SIN3B: variants seen among roughly 807,000 people sequenced by gnomAD.
SIN3B encodes SIN3 transcription regulator family member B, also known as paired amphipathic helix protein Sin3b.
In SIN3B, 19 loss-of-function variants were observed where a neutral mutation model predicts 120.2. That is an observed-to-expected ratio of 0.16 (90% CI 0.11 to 0.23). The LOEUF (loss-of-function observed/expected upper bound fraction) is 0.23, where lower values mean the gene tolerates loss of function less well. SIN3B is among the 10% of genes least tolerant of loss of function. The pLI is 1.00. For synonymous variants in SIN3B, 654 were observed against 653.2 expected, an observed-to-expected ratio of 1.00 and a Z score of -0.02; for missense variants, 1,073 against 1,573.0, an observed-to-expected ratio of 0.68 and a Z score of 5.38.
chr19:16,842,323 GA>G (rs1212251789), intron 4 of SIN3B, among the ~76,000 whole-genome samples: 3 of 151,296 alleles, frequency 2.0e-5, no homozygotes, highest in Non-Finnish European at 4.4e-5. Context: ...GGCTGGTCTT[GA>G]ACTCCTGAAC....
intron 3 of SIN3B, 126 bp downstream of exon 3, chr19:16,831,773 C>T (rs1243426081): frequency 1.8e-5 from 14 of 767,410 alleles, no homozygotes; most frequent in Admixed American, 5.0e-5. Flanking sequence ...TTTTTCTAGA[C>T]GTGCTCATTG....
intron 8 of SIN3B, among the ~76,000 whole-genome samples, chr19:16,857,769 A>C (rs1004786776): frequency 1.3e-5 from 2 of 152,094 alleles, no homozygotes; most frequent in African/African-American, 4.8e-5. Context: ...ACCTGCACTA[A>C]TGACGGCACA....
chr19:16,878,690 A>G lies in SIN3B; in HGVS notation c.3356A>G (p.Tyr1119Cys). The G allele has an allele frequency of 6.2e-7, 1 of 1,611,510 alleles. No homozygotes were observed. Among genetic ancestry groups the G allele is most frequent in the Non-Finnish European group, 8.5e-7 (1 of 1,179,436 alleles). ...GTGCACGGCCTGCCCGTGACCCGCT[A>G]CCGCGTGCAGTACAGCCGCCGCCCG... The part of the protein sequence containing the change: ...VHVHGLPVTR[Y>C]RVQYSRRPAS... The change falls in exon 19 of 19, where the codon TAC becomes TGC. Residue 1119 changes from tyrosine to cysteine, a missense_variant. Tyr to Cys is a radical substitution (Grantham distance 194). Around this residue, in one of 7 missense-constraint regions of SIN3B, gnomAD observed 311 missense variants for 400.3 expected, o/e 0.78. Transcript: ENST00000248054.
In SIN3B at chr19:16,866,560, AAGCCTTCCCT is replaced by A. The variant is rs1294236808; in HGVS notation, c.1806+9_1806+18del. ...GATCGAGAGCGTCTACGACGAGGTA[AAGCCTTCCCT>A]AGCCCTGCCGGCCGGTGGGGGTGGG... On this transcript the variant is annotated splice_donor_5th_base_variant and intron_variant, in intron 12 of 18. Coordinates refer to ENST00000248054, the MANE Select transcript of SIN3B (RefSeq NM_001297595.2). The A allele has an allele frequency of 6.2e-7, 1 of 1,613,356 alleles. No homozygotes were observed. The highest frequency in any genetic ancestry group is 1.3e-5 in the African/African-American group (1 of 74,988).
intron 2 of SIN3B, 44 bp downstream of exon 2, chr19:16,829,941 C>A: frequency 7.1e-7 from 1 of 1,406,916 alleles, no homozygotes; most frequent in Middle Eastern, 1.8e-4. Flanking sequence ...CCCCCTGGGC[C>A]GGAATCGGGC....
Position 16,878,819 on chromosome 19 carries a change from A to G in SIN3B, c.*92A>G. ...CGGGGCCGTTTTCTTGAACGACGTG[A>G]GAGGCATCTCCCAGCCCCTCTGCTG... On this transcript the variant is annotated 3_prime_UTR_variant, in exon 19 of 19. Transcript: ENST00000248054. The G allele has an allele frequency of 1.8e-6, 2 of 1,120,946 alleles. No individual in the cohort carries two copies. Among genetic ancestry groups the G allele is most frequent in the Non-Finnish European group, 2.5e-6 (2 of 792,734 alleles). The allele number at this position is 1,120,946 out of a possible 1,614,324, so 69.4% of individuals were successfully genotyped here.
At chr19:16,867,883 C>T (rs187728808) in intron 12 of SIN3B, among the ~76,000 whole-genome samples, 86 of 152,254 alleles carry the variant, frequency 5.6e-4, no homozygotes, top group African/African-American at 2.0e-3. Context: ...CCCAAGACCC[C>T]GTATAGGTTC....
chr19:16,851,647 G>T, intron 6 of SIN3B, 113 bp downstream of exon 6: 1 of 1,364,334 alleles, frequency 7.3e-7, no homozygotes, highest in Non-Finnish European at 9.6e-7. Flanking sequence ...GGCTGGACCG[G>T]GGGCTGTGTG....
intron 9 of SIN3B, chr19:16,863,116 T>C (rs757805289): frequency 2.6e-5 from 17 of 659,234 alleles, no homozygotes; most frequent in Non-Finnish European, 3.7e-5. Context: ...AGTTGAGTAT[T>C]CATCTGGGAT....
At chr19:16,846,825 C>A in intron 4 of SIN3B, 145 bp from the exon 5 acceptor site, 1 of 828,452 alleles carries the variant, frequency 1.2e-6, no homozygotes, top group Non-Finnish European at 1.9e-6. Flanking sequence ...GCAAGATCCA[C>A]AAGTGTGCAG....
intron 5 of SIN3B, 68 bp from the exon 6 acceptor site, chr19:16,851,344 T>A: frequency 6.7e-7 from 1 of 1,488,590 alleles, no homozygotes; most frequent in Non-Finnish European, 9.0e-7. Flanking sequence ...TGGAAGCAGC[T>A]CTGCATGCTC....
intron 16 of SIN3B, chr19:16,877,258 C>A: frequency 2.3e-6 from 1 of 438,956 alleles, no homozygotes; most frequent in Non-Finnish European, 4.1e-6. Flanking sequence ...GTGCTCCTGC[C>A]AAAGGCTCTG....
At chr19:16,861,763 CAA>C (rs959913779) in intron 8 of SIN3B, among the ~76,000 whole-genome samples, 39 of 74,402 alleles carry the variant, frequency 5.2e-4, no homozygotes, top group Admixed American at 1.0e-3. Flanking sequence ...AACTCTGTCT[CAA>C]AAAAAAAAAA....
chr19:16,878,282 C>A lies in SIN3B; in HGVS notation c.3054C>A (p.Ser1018Arg). 1 of 1,602,232 alleles carries A rather than the reference C, an allele frequency of 6.2e-7. No individual in the cohort carries two copies. Among genetic ancestry groups the A allele is most frequent in the African/African-American group, 1.3e-5 (1 of 74,856 alleles). ...GGAAGCGGCTGGTGGGCGTGGAGAGCGCCTGCGACGTGGACTGCCGCTTCA... is the reference window on the plus strand; with the variant it reads ...GGAAGCGGCTGGTGGGCGTGGAGAGAGCCTGCGACGTGGACTGCCGCTTCA... ...SSWKRLVGVE[S>R]ACDVDCRFKL... Residue 1018 changes from serine (S) to arginine (R), a missense_variant, in exon 18 of 19, where the codon AGC becomes AGA. Transcript: ENST00000248054.
chr19:16,861,396 G>A (rs897341281), intron 8 of SIN3B, among the ~76,000 whole-genome samples: 3 of 152,182 alleles, frequency 2.0e-5, no homozygotes, highest in Non-Finnish European at 4.4e-5. Context: ...GGAGGTTGAG[G>A]TGAAAGGATC....
Position 16,878,573 on chromosome 19 carries a change from C to T in SIN3B, c.3239C>T (p.Thr1080Met), listed in dbSNP as rs574039900. The T allele has an allele frequency of 1.2e-5, 20 of 1,608,990 alleles. No homozygotes were observed. The highest frequency in any genetic ancestry group is 1.7e-4 in the Middle Eastern group (1 of 6,052). The change falls in exon 19 of 19, where the codon ACG becomes ATG. Residue 1080 changes from threonine to methionine, a missense_variant. This residue lies in a region of SIN3B where 311 missense variants were observed against 400.3 expected (regional missense o/e 0.78). Coordinates refer to ENST00000248054, the MANE Select transcript of SIN3B (RefSeq NM_001297595.2). ...AGCCGCTGGCTGGAGGACAATGTGA[C>T]GGTGGAGGCGGCTAGCCTGGTGCAG... ...WHSRWLEDNV[T>M]VEAASLVQDW...
chr19:16,831,280 C>T (rs1451754745), intron 2 of SIN3B, among the ~76,000 whole-genome samples: 1 of 152,088 alleles, frequency 6.6e-6, no homozygotes, highest in African/African-American at 2.4e-5. Flanking sequence ...CCAGTCTGGT[C>T]TCGAACTCTT....
At chr19:16,875,108 T>A (rs1030313324) in intron 14 of SIN3B, among the ~76,000 whole-genome samples, 1 of 150,214 alleles carries the variant, frequency 6.7e-6, no homozygotes, top group African/African-American at 2.5e-5. Context: ...TCTGATCTGG[T>A]CTGGTCTGGT....
At chr19:16,844,706 G>A (rs1427542992) in intron 4 of SIN3B, among the ~76,000 whole-genome samples, 8 of 152,356 alleles carry the variant, frequency 5.3e-5, no homozygotes, top group African/African-American at 1.4e-4. Flanking sequence ...GATAGGCACC[G>A]ACTCTAAACA....
Sources: gnomAD v4.1 joint callset for allele counts (sites outside exome capture counted in the v4.1 genomes callset) on GRCh38, gnomAD v4.1.1 for gene constraint, gnomAD v4.1.1 regional missense constraint, MANE v1.5 for transcripts, NCBI Gene and HGNC (gene_info 2026-07-23, HGNC 2026-07-21) for gene names.